Variants in PLA2R1 observed in about 807,000 individuals in gnomAD.
PLA2R1 encodes the protein secretory phospholipase A2 receptor.
Under a neutral mutation model 195.9 loss-of-function variants are expected in PLA2R1, and 158 were observed. The ratio of observed to expected loss-of-function variants is 0.81; its 90% CI spans 0.71 to 0.92. The LOEUF (loss-of-function observed/expected upper bound fraction) is 0.92, where lower values mean the gene tolerates loss of function less well. PLA2R1 is among the 40% of genes least tolerant of loss of function. PLA2R1 has a pLI of 0.00. For missense variants in PLA2R1, 1,626 were observed against 1,764.6 expected (o/e 0.92, Z 1.41); for synonymous variants, 586 against 598.2 (o/e 0.98, Z 0.30).
intron 3 of PLA2R1, among the ~76,000 whole-genome samples, chr2:160,040,050 G>C (rs1020565404): frequency 6.6e-6 from 1 of 151,868 alleles, no homozygotes; most frequent in African/African-American, 2.4e-5. Flanking sequence ...CTCTATTGGG[G>C]ATGGAAAAGG....
intron 28 of PLA2R1, 101 bp from the exon 29 acceptor site, chr2:159,942,260 A>G (rs2125915269): frequency 1.2e-6 from 1 of 826,658 alleles, no homozygotes. Flanking sequence ...CCATGACCCT[A>G]TTTTTATAAA....
At chr2:159,983,788 T>A (rs900014933) in intron 13 of PLA2R1, 140 bp downstream of exon 13, 15 of 517,648 alleles carry the variant, frequency 2.9e-5, no homozygotes, top group Non-Finnish European at 4.5e-5. Context: ...TAAAACTATA[T>A]GTATATTTAT....
At chr2:159,965,867 G>A (rs974887735) in intron 20 of PLA2R1, among the ~76,000 whole-genome samples, 1 of 152,136 alleles carries the variant, frequency 6.6e-6, no homozygotes, top group African/African-American at 2.4e-5. Flanking sequence ...ATCACTCATT[G>A]TTGTTTTAAT....
chr2:160,032,826 G>T, intron 4 of PLA2R1, 133 bp downstream of exon 4: 1 of 726,530 alleles, frequency 1.4e-6, no homozygotes, highest in Non-Finnish European at 2.2e-6. Flanking sequence ...TTGGGTGAGA[G>T]TTTTGGGCCA....
At chr2:160,028,802 G>A (rs748719032) in intron 5 of PLA2R1, 48 bp downstream of exon 5, 1 of 1,059,624 alleles carries the variant, frequency 9.4e-7, no homozygotes, top group East Asian at 2.4e-5. Flanking sequence ...CTGTGTAAGG[G>A]TGCAAGATGA....
rs762668938 is a variant in PLA2R1, at chr2:160,044,920, C to T, written c.347G>A (p.Arg116His). 1.5e-5 allele frequency: 24 copies of T among 1,614,076 alleles called. No homozygotes were observed. The highest frequency in any genetic ancestry group is 2.2e-5 in the South Asian group (2 of 91,074). Residue 116 changes from arginine to histidine, a missense_variant, in exon 2 of 30, where the codon CGC becomes CAC. By Grantham distance (29) the Arg-to-His change is conservative (BLOSUM62 0). Transcript: ENST00000283243. ...GCCTGTGATCATCTTCCTGTTACAG[C>T]GCCACCGTAAGGAAACGAGGGTGGA... ...CDSTLVSLRWRCNRKMITGPL... is the reference protein window; with the variant it reads ...CDSTLVSLRWHCNRKMITGPL...
rs890796904 is a variant in PLA2R1 at position 160,020,664 on chromosome 2, A to G, written c.1295-401T>C. Among the ~76,000 whole-genome samples the G allele has an allele frequency of 5.3e-5, 8 of 152,284 alleles. No individual in the cohort carries two copies. The South Asian group carries it at 1.2e-3, about 24-fold the overall frequency. ...AGATAGCACACTCAGCCCCCTCTCC[A>G]TGTGATGCCCTGTGCCACCATGGGA... On this transcript the variant is annotated intron_variant, in intron 7 of 29. Transcript: ENST00000283243.
intron 3 of PLA2R1, among the ~76,000 whole-genome samples, chr2:160,039,036 T>C (rs1274260939): frequency 6.6e-6 from 1 of 152,010 alleles, no homozygotes; most frequent in East Asian, 1.9e-4. Context: ...CCAGCTAATT[T>C]TGTATTTTTA....
At chr2:160,045,284 T>C in intron 1 of PLA2R1, 127 bp from the exon 2 acceptor site, 2 of 716,400 alleles carry the variant, frequency 2.8e-6, no homozygotes, top group Non-Finnish European at 4.6e-6. Flanking sequence ...AGATCTGGAG[T>C]TGTTGGGCAG....
chr2:160,020,512 G>A (rs1433628941), intron 7 of PLA2R1, among the ~76,000 whole-genome samples: 4 of 152,150 alleles, frequency 2.6e-5, no homozygotes, highest in Non-Finnish European at 4.4e-5. Flanking sequence ...GTATTGAGAA[G>A]GAGGCCTCTA....
intron 1 of PLA2R1, among the ~76,000 whole-genome samples, chr2:160,056,058 A>G (rs1339148295): frequency 6.6e-6 from 1 of 151,396 alleles, no homozygotes; most frequent in Non-Finnish European, 1.5e-5. Context: ...TATTCTCCAC[A>G]CCCCAAAGCC....
intron 20 of PLA2R1, among the ~76,000 whole-genome samples, chr2:159,966,489 C>T (rs1392040028): frequency 6.6e-6 from 1 of 152,010 alleles, no homozygotes; most frequent in Non-Finnish European, 1.5e-5. Context: ...TGATACTTAA[C>T]ACTAGTAAAC....
Position 160,016,717 on chromosome 2 carries a change from G to A in PLA2R1, c.1453-5C>T, listed in dbSNP as rs371214329. 86 of 1,414,210 alleles carry A rather than the reference G, an allele frequency of 6.1e-5. No homozygotes were observed. The highest frequency in any genetic ancestry group is 9.9e-5 in the African/African-American group (7 of 70,908). 87.6% of individuals were successfully genotyped at this position (1,414,210 alleles called of 1,614,324 possible). ...TTTGACTTTCCAGTGTCCCTCCTAC[G>A]GAGAAAAATGTTACAAGAGAATGAA... On this transcript the variant is annotated splice_polypyrimidine_tract_variant and splice_region_variant and intron_variant, in intron 8 of 29. Transcript: ENST00000283243.
At chr2:160,042,800 C>CGT (rs111414981) in intron 2 of PLA2R1, among the ~76,000 whole-genome samples, 1,224 of 119,678 alleles carry the variant, frequency 0.01, 18 homozygotes, top group Middle Eastern at 0.053. Context: ...TGTGTGTGTG[C>CGT]GTGTGTGTGT....
rs980085875 is a variant in PLA2R1 at position 159,979,848 on chromosome 2, C to T, written c.2250G>A (p.Glu750=). 10 of 1,600,432 alleles carry T rather than the reference C, an allele frequency of 6.2e-6. No homozygotes were observed. The highest frequency in any genetic ancestry group is 3.3e-5 in the South Asian group (3 of 90,624). The part of the protein sequence containing the change: ...KRNPLNAGSW[E]WSDRTPVVSS... ...GACTTACAGGAGTTCTATCAGACCA[C>T]TCCCATGAGCCGGCATTCAGTGGGT... The change falls in exon 14 of 30, where the codon GAG becomes GAA. Residue 750 remains glutamate, a synonymous_variant. Transcript: ENST00000283243.
At chr2:159,926,056 G>T in the PLA2R1 span, among the ~76,000 whole-genome samples, 3 of 152,180 alleles carry the variant, frequency 2.0e-5, no homozygotes, top group Non-Finnish European at 4.4e-5. Flanking sequence ...GTTGGTATTT[G>T]ATCAAACGTA....
intron 17 of PLA2R1, among the ~76,000 whole-genome samples, chr2:159,971,930 G>A (rs1417388495): frequency 3.3e-5 from 5 of 152,148 alleles, no homozygotes; most frequent in African/African-American, 1.2e-4. Context: ...CTGAGGTGTT[G>A]TTTCGTGGAC....
rs191677440 is a variant in PLA2R1, at chr2:159,979,717, T to G, written c.2268+113A>C. The G allele has an allele frequency of 8.4e-5, 51 of 604,496 alleles. No homozygotes were observed. In the East Asian group the frequency reaches 1.5e-3, roughly 18 times the overall value. 37.4% of individuals were successfully genotyped at this position (604,496 alleles called of 1,614,324 possible). ...TCCTGGTACTAAGGTCTGGTGCAGT[T>G]TTGTCATGGGAGCTCTGGCCATCAT... is the stretch of plus-strand genomic sequence containing the variant. On this transcript the variant is annotated intron_variant, in intron 14 of 29. Coordinates refer to ENST00000283243, the MANE Select transcript of PLA2R1 (RefSeq NM_007366.5).
At chr2:160,046,603 A>G (rs892397591) in intron 1 of PLA2R1, among the ~76,000 whole-genome samples, 5 of 152,200 alleles carry the variant, frequency 3.3e-5, no homozygotes, top group East Asian at 1.9e-4. Context: ...AAGATTGTCA[A>G]TGTATTAATA....
Sources: gnomAD v4.1 joint callset for allele counts (sites outside exome capture counted in the v4.1 genomes callset) on GRCh38, gnomAD v4.1.1 for gene constraint, MANE v1.5 for transcripts, NCBI Gene and HGNC (gene_info 2026-07-23, HGNC 2026-07-21) for gene names.